The following ROBO2 variants were observed in gnomAD, a reference collection of about 807,000 sequenced individuals.
ROBO2 encodes roundabout homolog 2.
A neutral mutation model predicts 160.8 loss-of-function variants in ROBO2; 53 were observed. That is an observed-to-expected ratio of 0.33 (90% CI 0.26 to 0.41). ROBO2 has a LOEUF of 0.41. Among genes scored for constraint, ROBO2 ranks in the 10% least tolerant of loss-of-function variants. ROBO2 has a pLI of 1.00. For missense variants in ROBO2, 1,577 were observed against 1,722.4 expected (o/e 0.92, Z 1.49); for synonymous variants, 664 against 611.7 (o/e 1.09, Z -1.26).
At chr3:77,408,731 T>A (rs1393106188) in intron 2 of ROBO2, among the ~76,000 whole-genome samples, 1 of 152,042 alleles carries the variant, frequency 6.6e-6, no homozygotes, top group East Asian at 1.9e-4. Flanking sequence ...TGTTTTATTA[T>A]TTTTTTAGAG....
In ROBO2 at chr3:77,116,026, A is replaced by C. The variant is rs558105845; in HGVS notation, c.388+17686A>C. On this transcript the variant is annotated intron_variant, in intron 2 of 25. Transcript: ENST00000461745. ...CAGGATTAAACAAGTGTGAATAAACAAGTTCAAGAGTTTTCTGCAGGGCTG... is the reference window on the plus strand; with the variant it reads ...CAGGATTAAACAAGTGTGAATAAACCAGTTCAAGAGTTTTCTGCAGGGCTG... Among the ~76,000 whole-genome samples, 23 of 152,318 alleles carry C rather than the reference A, an allele frequency of 1.5e-4. No homozygotes were observed. The South Asian group carries it at 4.1e-3, about 27-fold the overall frequency.
intron 2 of ROBO2, among the ~76,000 whole-genome samples, chr3:76,514,063 T>C (rs2081236188): frequency 6.6e-6 from 1 of 152,204 alleles, no homozygotes; most frequent in South Asian, 2.1e-4. Flanking sequence ...AGTATGTCAC[T>C]AAGTCTCTTT....
At chr3:76,825,379 G>A (rs73123362) in intron 2 of ROBO2, among the ~76,000 whole-genome samples, 19,097 of 151,970 alleles carry the variant, frequency 0.13, 1,329 homozygotes, top group East Asian at 0.24. Context: ...GATGAAAAAA[G>A]TTTATAGTTT....
chr3:77,635,043 G>A, exon 24 of ROBO2: 1 of 1,613,984 alleles, frequency 6.2e-7, no homozygotes, highest in Admixed American at 1.7e-5. Context: ...AATGACAGAT[G>A]GTAGGTTTCT....
chr3:75,931,042 T>C (rs200030894), intron 1 of ROBO2, among the ~76,000 whole-genome samples: 5 of 152,232 alleles, frequency 3.3e-5, no homozygotes, highest in Admixed American at 6.5e-5. Flanking sequence ...TTCCTCATCA[T>C]TGCTAATGAA....
intron 2 of ROBO2, among the ~76,000 whole-genome samples, chr3:77,467,376 C>T (rs2082869294): frequency 6.6e-6 from 1 of 152,044 alleles, no homozygotes; most frequent in Admixed American, 6.6e-5. Flanking sequence ...AAATGAGAAG[C>T]AGTAGGGAAA....
At chr3:76,460,916 T>G (rs1357687801) in intron 2 of ROBO2, among the ~76,000 whole-genome samples, 1 of 152,306 alleles carries the variant, frequency 6.6e-6, no homozygotes, top group East Asian at 1.9e-4. Flanking sequence ...TGTCGATTAC[T>G]AAATAAATAG....
intron 5 of ROBO2, among the ~76,000 whole-genome samples, chr3:77,502,833 C>T (rs904259222): frequency 6.6e-6 from 1 of 152,166 alleles, no homozygotes; most frequent in South Asian, 2.1e-4. Flanking sequence ...TGGACGTCCT[C>T]AGCTTTTGGT....
At chr3:77,470,823 C>A (rs961749656) in intron 2 of ROBO2, among the ~76,000 whole-genome samples, 1 of 152,228 alleles carries the variant, frequency 6.6e-6, no homozygotes, top group African/African-American at 2.4e-5. Context: ...AGAGGTCGGT[C>A]TTCTACTGAG....
chr3:77,282,634 G>T (rs993060887), intron 2 of ROBO2, among the ~76,000 whole-genome samples: 6 of 152,040 alleles, frequency 3.9e-5, no homozygotes, highest in Non-Finnish European at 5.9e-5. Context: ...TTGATAAAAT[G>T]TAAGTTTACT....
At chr3:77,353,071 A>T (rs1481833631) in intron 2 of ROBO2, among the ~76,000 whole-genome samples, 2 of 150,624 alleles carry the variant, frequency 1.3e-5, no homozygotes, top group African/African-American at 4.9e-5. Context: ...ATGAAGGAAT[A>T]AATTCTTAAT....
At chr3:77,204,249 C>A (rs569126649) in intron 2 of ROBO2, among the ~76,000 whole-genome samples, 1 of 152,290 alleles carries the variant, frequency 6.6e-6, no homozygotes, top group East Asian at 1.9e-4. Flanking sequence ...TCCTCACAAT[C>A]AATAGTAATT....
intron 2 of ROBO2, among the ~76,000 whole-genome samples, chr3:76,551,835 G>C (rs1056451601): frequency 2.6e-5 from 4 of 152,148 alleles, no homozygotes; most frequent in African/African-American, 9.7e-5. Flanking sequence ...TGCCACAGCA[G>C]CCAGTATGCC....
At chr3:77,017,995 A>G (rs1010557559) in intron 2 of ROBO2, among the ~76,000 whole-genome samples, 2 of 152,178 alleles carry the variant, frequency 1.3e-5, no homozygotes, top group Non-Finnish European at 2.9e-5. Flanking sequence ...TAGAATGTGG[A>G]AAGCCTATCC....
At chr3:76,624,064 TAA>T (rs371953931) in intron 2 of ROBO2, among the ~76,000 whole-genome samples, 8 of 150,484 alleles carry the variant, frequency 5.3e-5, no homozygotes, top group African/African-American at 1.7e-4. Flanking sequence ...CTTTCTCCAT[TAA>T]AAAAAAAGCG....
intron 2 of ROBO2, among the ~76,000 whole-genome samples, chr3:76,025,078 C>T (rs937404922): frequency 5.3e-5 from 8 of 150,806 alleles, no homozygotes; most frequent in African/African-American, 1.5e-4. Flanking sequence ...GTTAGTAAGT[C>T]GATCTGTAGA....
At chr3:77,019,863 T>G (rs116779558) in intron 2 of ROBO2, among the ~76,000 whole-genome samples, 2,488 of 152,314 alleles carry the variant, frequency 0.016, 30 homozygotes, top group Non-Finnish European at 0.027. Context: ...CTCTTGAAGT[T>G]AAAACTTTGG....
intron 2 of ROBO2, among the ~76,000 whole-genome samples, chr3:77,422,564 C>G (rs915199271): frequency 1.3e-4 from 20 of 152,108 alleles, no homozygotes; most frequent in Non-Finnish European, 1.9e-4. Context: ...TCAATGATAT[C>G]GAACCACAGA....
chr3:77,042,566 A>G (rs1027798134), intron 1 of ROBO2, among the ~76,000 whole-genome samples: 3 of 152,198 alleles, frequency 2.0e-5, no homozygotes, highest in African/African-American at 7.2e-5. Flanking sequence ...AAATCAGAAG[A>G]GCTTGGTGTT....
Sources: gnomAD v4.1 joint callset for allele counts (sites outside exome capture counted in the v4.1 genomes callset) on GRCh38, gnomAD v4.1.1 for gene constraint, MANE v1.5 for transcripts, NCBI Gene and HGNC (gene_info 2026-07-23, HGNC 2026-07-21) for gene names.